The following NEBL variants were observed in gnomAD, a reference collection of about 807,000 sequenced individuals.
NEBL encodes the protein nebulette.
A neutral mutation model predicts 140.2 loss-of-function variants in NEBL; 122 were observed. The observed-to-expected ratio is 0.87, with a 90% CI of 0.75 to 1.01. The LOEUF is 1.01. NEBL is among the 50% of genes least tolerant of loss of function. The probability of loss-of-function intolerance (pLI) is 0.00; values close to 1 mark genes in which losing one functional copy is unlikely to be tolerated. For missense variants in NEBL, 1,365 were observed against 1,231.3 expected (o/e 1.11, Z -1.62); for synonymous variants, 436 against 398.9 (o/e 1.09, Z -1.11).
At chr10:21,249,852 T>G (rs1842564306) in intron 2 of NEBL, among the ~76,000 whole-genome samples, 2 of 151,716 alleles carry the variant, frequency 1.3e-5, no homozygotes, top group African/African-American at 4.8e-5. Flanking sequence ...TCACCTGAGG[T>G]CAGGGGTTTG....
At chr10:21,019,184 T>C (rs1427015341) in intron 3 of NEBL, among the ~76,000 whole-genome samples, 2 of 152,356 alleles carry the variant, frequency 1.3e-5, no homozygotes, top group African/African-American at 2.4e-5. Flanking sequence ...TCCACAGTCA[T>C]AGAATATCTT....
At chr10:21,108,415 A>C (rs1837820436) in intron 2 of NEBL, among the ~76,000 whole-genome samples, 1 of 152,094 alleles carries the variant, frequency 6.6e-6, no homozygotes, top group South Asian at 2.1e-4. Flanking sequence ...TCGTTTCATT[A>C]TTTACCCAGT....
At chr10:21,168,630 T>A (rs1357560176) in intron 2 of NEBL, among the ~76,000 whole-genome samples, 1 of 152,186 alleles carries the variant, frequency 6.6e-6, no homozygotes, top group African/African-American at 2.4e-5. Flanking sequence ...TTAATTTTCT[T>A]AAGTGTAATA....
intron 2 of NEBL, among the ~76,000 whole-genome samples, chr10:21,135,741 G>T (rs907714164): frequency 6.6e-6 from 1 of 152,006 alleles, no homozygotes; most frequent in African/African-American, 2.4e-5. Flanking sequence ...TACAGGGAGG[G>T]GACTCACCAT....
At chr10:20,937,962 C>T (rs939548721) in intron 4 of NEBL, among the ~76,000 whole-genome samples, 2 of 152,166 alleles carry the variant, frequency 1.3e-5, no homozygotes, top group African/African-American at 4.8e-5. Flanking sequence ...TGGGTGGAGC[C>T]CACCTCAGCT....
chr10:20,866,987 A>G (rs1844358991), intron 7 of NEBL, among the ~76,000 whole-genome samples: 1 of 152,132 alleles, frequency 6.6e-6, no homozygotes, highest in South Asian at 2.1e-4. Flanking sequence ...GAATGTTTAT[A>G]TATTATAGAT....
chr10:21,173,854 G>A lies in NEBL; in HGVS notation c.-21C>T, dbSNP rs746749870. On this transcript the variant is annotated 5_prime_UTR_variant, in exon 1 of 7. Coordinates refer to the NEBL transcript ENST00000417816. This position sits in a 1 kb window ranked among gnomAD's most constrained non-coding sequence, Gnocchi z 5.7. ...TTCATGATCGCGGTTCCCGGGGGCG[G>A]CGGCGGCGGCGGCTGCTGGCTCCCA... is the stretch of plus-strand genomic sequence containing the variant. The A allele has an allele frequency of 1.9e-6, 3 of 1,607,572 alleles. No homozygotes were observed. The highest frequency in any genetic ancestry group is 2.5e-6 in the Non-Finnish European group (3 of 1,178,852).
chr10:20,895,340 C>T (rs1463193348), intron 2 of NEBL, among the ~76,000 whole-genome samples: 1 of 152,048 alleles, frequency 6.6e-6, no homozygotes, highest in East Asian at 1.9e-4. Flanking sequence ...AATAATAAGG[C>T]GAAGAACAAC....
chr10:21,072,375 G>C (rs1277175613), intron 2 of NEBL, among the ~76,000 whole-genome samples: 1 of 152,174 alleles, frequency 6.6e-6, no homozygotes, highest in Non-Finnish European at 1.5e-5. Context: ...CATCTCCCGA[G>C]ACTCTTACTC....
chr10:20,946,754 G>A (rs1835181686), intron 4 of NEBL, among the ~76,000 whole-genome samples: 1 of 152,210 alleles, frequency 6.6e-6, no homozygotes, highest in Non-Finnish European at 1.5e-5. Flanking sequence ...TTTTGTATGT[G>A]TAATATAGTT....
In NEBL at chr10:21,147,953, T is replaced by C. The variant is rs141376023; in HGVS notation, c.164+24430A>G. ...GCCAAGCATTGTCTTTAGGCAGTGA[T>C]GATACAATAATGTCCAGAAAAAATA... On this transcript the variant is annotated intron_variant, in intron 2 of 6. Coordinates refer to the NEBL transcript ENST00000417816. Among the ~76,000 whole-genome samples the C allele has an allele frequency of 3.9e-3, 597 of 152,368 alleles. 6 individuals are homozygous for C. Among genetic ancestry groups the C allele is most frequent in the African/African-American group, 0.014 (576 of 41,592 alleles).
chr10:21,189,702 C>T (rs1325033957), intron 3 of NEBL, among the ~76,000 whole-genome samples: 5 of 152,236 alleles, frequency 3.3e-5, no homozygotes, highest in Non-Finnish European at 5.9e-5. Context: ...CTCCTGACCT[C>T]GTGATCTGCC....
At chr10:20,794,761 C>T (rs973862738) in intron 26 of NEBL, among the ~76,000 whole-genome samples, 11 of 152,136 alleles carry the variant, frequency 7.2e-5, no homozygotes, top group African/African-American at 2.7e-4. Flanking sequence ...CTTACAACCC[C>T]GTTAGCTCAA....
chr10:20,920,237 C>A (rs1257641224), intron 4 of NEBL, among the ~76,000 whole-genome samples: 5 of 152,146 alleles, frequency 3.3e-5, no homozygotes, highest in Admixed American at 2.6e-4. Context: ...GAGAATTTGG[C>A]AATATCTAGC....
chr10:21,133,944 C>G lies in NEBL; in HGVS notation c.164+38439G>C, dbSNP rs750038671. ...ACCAAAGGCAAATTCTTAAAAGGGC[C>G]GGGCACAGTGGCTTACTTACGCCTG... is the stretch of plus-strand genomic sequence containing the variant. On this transcript the variant is annotated intron_variant, in intron 2 of 6. Transcript: ENST00000417816. 3.3e-5 allele frequency among the ~76,000 whole-genome samples: 5 copies of G among 152,220 alleles called. No homozygotes were observed. The South Asian group carries it at 8.3e-4, about 25-fold the overall frequency.
chr10:20,985,705 T>C (rs1421434249), intron 3 of NEBL, among the ~76,000 whole-genome samples: 1 of 152,116 alleles, frequency 6.6e-6, no homozygotes, highest in Non-Finnish European at 1.5e-5. Flanking sequence ...TTTCCCACAA[T>C]CTACTAGTAT....
At chr10:20,829,797 T>C (rs912900468) in intron 16 of NEBL, among the ~76,000 whole-genome samples, 1 of 152,170 alleles carries the variant, frequency 6.6e-6, no homozygotes, top group African/African-American at 2.4e-5. Context: ...TCAATACTTT[T>C]ACTTTCAGGT....
At chr10:21,161,193 T>C (rs1840546361) in intron 2 of NEBL, among the ~76,000 whole-genome samples, 1 of 152,092 alleles carries the variant, frequency 6.6e-6, no homozygotes, top group African/African-American at 2.4e-5. Context: ...ATTTTTATTT[T>C]TATTTTTTGT....
chr10:20,903,822 G>A (rs904154502), intron 4 of NEBL, among the ~76,000 whole-genome samples: 5 of 150,640 alleles, frequency 3.3e-5, no homozygotes, highest in African/African-American at 9.9e-5. Flanking sequence ...TAAGCTACTG[G>A]TATGCAAAGG....
Sources: allele counts gnomAD v4.1 joint callset (sites outside exome capture counted in the v4.1 genomes callset), GRCh38; gene constraint gnomAD v4.1.1; non-coding constraint Gnocchi (gnomAD v3.1); transcripts MANE v1.5; gene names NCBI Gene and HGNC (gene_info 2026-07-23, HGNC 2026-07-21).